Variants in GUCY1A2 observed in about 807,000 individuals in gnomAD.
GUCY1A2 encodes guanylate cyclase soluble subunit alpha-2.
Under a neutral mutation model 63.5 loss-of-function variants are expected in GUCY1A2, and 27 were observed. That is an observed-to-expected ratio of 0.43 (90% CI 0.31 to 0.59). GUCY1A2 has a LOEUF of 0.59. GUCY1A2 is among the 20% of genes least tolerant of loss of function. The probability of loss-of-function intolerance (pLI) is 0.11; values close to 1 mark genes in which losing one functional copy is unlikely to be tolerated. For missense variants in GUCY1A2, 768 were observed against 913.3 expected, an observed-to-expected ratio of 0.84 and a Z score of 2.05; for synonymous variants, 364 against 343.5, an observed-to-expected ratio of 1.06 and a Z score of -0.66.
At chr11:106,809,205 C>T (rs550582401) in intron 5 of GUCY1A2, among the ~76,000 whole-genome samples, 63 of 152,048 alleles carry the variant, frequency 4.1e-4, no homozygotes, top group Non-Finnish European at 8.2e-4. Flanking sequence ...ATAAAACCTG[C>T]AGCTCACAAC....
chr11:106,878,950 A>G (rs752209587), intron 4 of GUCY1A2, among the ~76,000 whole-genome samples: 1 of 152,072 alleles, frequency 6.6e-6, no homozygotes, highest in Non-Finnish European at 1.5e-5. Flanking sequence ...GTTTTAAGAC[A>G]TTAAGTTTGT....
At chr11:106,899,806 C>A (rs559249547) in intron 4 of GUCY1A2, among the ~76,000 whole-genome samples, 3 of 152,150 alleles carry the variant, frequency 2.0e-5, no homozygotes, top group Non-Finnish European at 4.4e-5. Context: ...AATCTATGGC[C>A]GGGCACGGTG....
At chr11:106,806,939 T>C (rs550646292) in intron 5 of GUCY1A2, among the ~76,000 whole-genome samples, 1 of 152,292 alleles carries the variant, frequency 6.6e-6, no homozygotes, top group Non-Finnish European at 1.5e-5. Flanking sequence ...TAGGAAAACA[T>C]GGAGTAATGA....
At chr11:106,770,793 C>T (rs1325147747) in intron 6 of GUCY1A2, among the ~76,000 whole-genome samples, 1 of 150,480 alleles carries the variant, frequency 6.6e-6, no homozygotes, top group Non-Finnish European at 1.5e-5. Flanking sequence ...AATATTCCTG[C>T]TTTTGCACCA....
intron 4 of GUCY1A2, chr11:106,828,030 C>T (rs570706564): frequency 2.5e-5 from 16 of 638,884 alleles, no homozygotes; most frequent in South Asian, 1.8e-4. Flanking sequence ...GGGCCCTTTG[C>T]CCACTTTTAA....
At chr11:106,902,551 T>A (rs1282781176) in intron 4 of GUCY1A2, among the ~76,000 whole-genome samples, 1 of 152,286 alleles carries the variant, frequency 6.6e-6, no homozygotes, top group East Asian at 1.9e-4. Context: ...AGTGTAGCTG[T>A]CTTCATTAAT....
intron 1 of GUCY1A2, among the ~76,000 whole-genome samples, chr11:107,011,145 G>A (rs1003756141): frequency 1.3e-5 from 2 of 152,160 alleles, no homozygotes; most frequent in African/African-American, 4.8e-5. Flanking sequence ...ATCGAACAAA[G>A]GGCCTGTGAA....
chr11:106,926,472 G>A (rs1860523380), intron 4 of GUCY1A2, among the ~76,000 whole-genome samples: 1 of 150,296 alleles, frequency 6.7e-6, no homozygotes, highest in Non-Finnish European at 1.5e-5. Flanking sequence ...AAATTTATGA[G>A]ACCATTTTTC....
intron 5 of GUCY1A2, among the ~76,000 whole-genome samples, chr11:106,807,961 A>G (rs1017818359): frequency 6.6e-6 from 1 of 152,120 alleles, no homozygotes; most frequent in East Asian, 1.9e-4. Flanking sequence ...TGAAGGCTGC[A>G]CTGTTGGCTT....
At chr11:106,792,502 A>G (rs1026299061) in intron 5 of GUCY1A2, among the ~76,000 whole-genome samples, 26 of 152,352 alleles carry the variant, frequency 1.7e-4, no homozygotes, top group African/African-American at 5.8e-4. Flanking sequence ...AAACAGAACT[A>G]AAGACAAAAA....
chr11:106,834,031 A>C (rs1337800926), intron 4 of GUCY1A2, among the ~76,000 whole-genome samples: 1 of 152,050 alleles, frequency 6.6e-6, no homozygotes, highest in Non-Finnish European at 1.5e-5. Flanking sequence ...TAATCAAGCT[A>C]ATTAACATAT....
In GUCY1A2 at chr11:106,687,564, C is replaced by T; in HGVS notation, c.2184G>A (p.Arg728=). The T allele has an allele frequency of 1.2e-6, 2 of 1,613,588 alleles. No individual in the cohort carries two copies. Among genetic ancestry groups the T allele is most frequent in the East Asian group, 2.2e-5 (1 of 44,866 alleles). ...GTAGCAGGTCTCAGAGGCTTGTCTC[C>T]CGGAGGAACATGGTGCCGATGTTGT... The part of the protein sequence containing the change: ...VSYNIGTMFL[R]ETSL Residue 728 remains arginine, a synonymous_variant, in exon 8 of 8, where the codon CGG becomes CGA. Transcript: ENST00000526355.
At chr11:106,919,407 G>C (rs1385706397) in intron 4 of GUCY1A2, among the ~76,000 whole-genome samples, 1 of 152,108 alleles carries the variant, frequency 6.6e-6, no homozygotes, top group Non-Finnish European at 1.5e-5. Context: ...GTATCTTGGT[G>C]AGGTGATAGA....
intron 4 of GUCY1A2, among the ~76,000 whole-genome samples, chr11:106,818,864 C>T (rs1565299835): frequency 2.6e-5 from 4 of 152,062 alleles, no homozygotes; most frequent in Admixed American, 2.0e-4. Flanking sequence ...TTAGCCAAAG[C>T]CTAATCCAGA....
chr11:106,889,208 T>A (rs983452384), intron 4 of GUCY1A2, among the ~76,000 whole-genome samples: 1 of 152,168 alleles, frequency 6.6e-6, no homozygotes, highest in South Asian at 2.1e-4. Context: ...CAGAAGACAA[T>A]CACATTATAC....
In GUCY1A2 at chr11:106,897,393, G is replaced by T. The variant is rs531763528; in HGVS notation, c.1206+42067C>A. ...GCAAAATACTTGAAATATACAACAC[G>T]ATATTGAAGGAGAAAAATAAAGTTG... On this transcript the variant is annotated intron_variant, in intron 4 of 7. Coordinates refer to ENST00000526355, the MANE Select transcript of GUCY1A2 (RefSeq NM_000855.3). Among the ~76,000 whole-genome samples, 8 of 152,058 alleles carry T rather than the reference G, an allele frequency of 5.3e-5. No individual in the cohort carries two copies. The East Asian group carries it at 1.5e-3, about 29-fold the overall frequency.
chr11:106,991,013 G>A (rs1191688361), intron 1 of GUCY1A2, among the ~76,000 whole-genome samples: 1 of 152,042 alleles, frequency 6.6e-6, no homozygotes, highest in Non-Finnish European at 1.5e-5. Flanking sequence ...TTTTTGAGAT[G>A]GACTCTTGCT....
At chr11:107,012,344 G>GA (rs150508255) in intron 1 of GUCY1A2, among the ~76,000 whole-genome samples, 10,407 of 149,292 alleles carry the variant, frequency 0.07, 762 homozygotes, top group African/African-American at 0.19. Context: ...GAATTATTGA[G>GA]AAAAAAAGAA....
intron 5 of GUCY1A2, among the ~76,000 whole-genome samples, chr11:106,795,769 A>C (rs931213256): frequency 2.6e-5 from 4 of 152,166 alleles, no homozygotes; most frequent in Admixed American, 6.6e-5. Context: ...AATAAACACA[A>C]ATCATTTAAA....
Sources: allele counts gnomAD v4.1 joint callset (sites outside exome capture counted in the v4.1 genomes callset), GRCh38; gene constraint gnomAD v4.1.1; transcripts MANE v1.5; gene names NCBI Gene and HGNC (gene_info 2026-07-23, HGNC 2026-07-21).